The following SH2D4A variants were observed in gnomAD, a reference collection of about 807,000 sequenced individuals.
SH2D4A encodes SH2 domain-containing protein 4A.
Under a neutral mutation model 64.7 loss-of-function variants are expected in SH2D4A, and 70 were observed. That is an observed-to-expected ratio of 1.08 (90% confidence interval 0.89 to 1.32). SH2D4A has a LOEUF of 1.32. Among genes scored for constraint, SH2D4A ranks in the 40% most tolerant of loss-of-function variants. The probability of loss-of-function intolerance (pLI) is 0.00; values close to 1 mark genes in which losing one functional copy is unlikely to be tolerated. For missense variants in SH2D4A, 706 were observed against 540.1 expected (o/e 1.31, Z -3.04); for synonymous variants, 268 against 200.7 (o/e 1.34, Z -2.83).
chr8:19,328,178 C>T (rs751680317), intron 2 of SH2D4A, among the ~76,000 whole-genome samples: 36 of 152,168 alleles, frequency 2.4e-4, no homozygotes, highest in Non-Finnish European at 4.4e-4. Flanking sequence ...TTCATTCTCT[C>T]TATGAGCTCA....
intron 4 of SH2D4A, among the ~76,000 whole-genome samples, chr8:19,336,896 A>G (rs951578758): frequency 6.6e-6 from 1 of 152,158 alleles, no homozygotes; most frequent in Non-Finnish European, 1.5e-5. Flanking sequence ...ATGTATGCTT[A>G]TATTTGTGCT....
rs1276219667 is a variant in SH2D4A, at chr8:19,395,458, A to C, written c.*816A>C. On this transcript the variant is annotated 3_prime_UTR_variant, in exon 10 of 10. Transcript: ENST00000265807. Reference sequence around the variant, plus strand: ...CCCCCAAAATATATGGTGAAGTCTTAACCCCCATCCCCGTGAATGGGACCT... The same window carrying C: ...CCCCCAAAATATATGGTGAAGTCTTCACCCCCATCCCCGTGAATGGGACCT... 1 of 152,302 alleles carries C rather than the reference A, an allele frequency of 6.6e-6. No individual in the cohort carries two copies. Among genetic ancestry groups the C allele is most frequent in the Non-Finnish European group, 1.5e-5 (1 of 68,126 alleles). The allele number at this position is 152,302 out of a possible 1,614,324, so 9.4% of individuals were successfully genotyped here.
intron 8 of SH2D4A, among the ~76,000 whole-genome samples, chr8:19,391,898 T>C (rs1247369784): frequency 6.6e-6 from 1 of 152,200 alleles, no homozygotes; most frequent in East Asian, 1.9e-4. Context: ...AATAAGGTAC[T>C]GAGTATCAAC....
rs1269460415 is a variant in SH2D4A at position 19,394,741 on chromosome 8, A to G, written c.*99A>G. The stretch of plus-strand genomic sequence containing the variant: ...TGTGAAGCCAAAATCACCCTGCAGC[A>G]GAGCCAATACTGATCAACTGAAAGT... On this transcript the variant is annotated 3_prime_UTR_variant, in exon 10 of 10. Coordinates refer to ENST00000265807, the MANE Select transcript of SH2D4A (RefSeq NM_022071.4). 3.7e-6 allele frequency: 3 copies of G among 807,736 alleles called. No individual in the cohort carries two copies. The highest frequency in any genetic ancestry group is 3.9e-5 in the South Asian group (2 of 51,476). 50.0% of individuals were successfully genotyped at this position (807,736 alleles called of 1,614,324 possible). A position where few individuals can be genotyped will look rare whatever the true frequency, so the allele number is the denominator to read the frequency against.
At position 19,332,987 on chromosome 8, in the gene SH2D4A, G is replaced by A. The variant is rs1313168286; in HGVS notation, c.214G>A (p.Ala72Thr). ...NGKSVHWKLG[A>T]DKEVWVWVMG... ...CAAATCGGTTCATTGGAAACTTGGA[G>A]CTGATAAGGAAGTCTGGGTATGGGT... Residue 72 changes from alanine to threonine, a missense_variant, in exon 3 of 10, where the codon GCT becomes ACT. Physicochemically the swap from Ala to Thr is moderately conservative, Grantham distance 58. Coordinates refer to ENST00000265807, the MANE Select transcript of SH2D4A (RefSeq NM_022071.4). 7 of 1,613,404 alleles carry A rather than the reference G, an allele frequency of 4.3e-6. No individual in the cohort carries two copies. The highest frequency in any genetic ancestry group is 1.3e-5 in the African/African-American group (1 of 74,874).
intron 4 of SH2D4A, among the ~76,000 whole-genome samples, chr8:19,346,232 G>A (rs2052610527): frequency 6.6e-6 from 1 of 152,162 alleles, no homozygotes; most frequent in Admixed American, 6.6e-5. Flanking sequence ...CCTATCCCTG[G>A]GGTACCATTG....
At chr8:19,385,062 TC>T (rs1486962957) in intron 8 of SH2D4A, among the ~76,000 whole-genome samples, 4 of 152,228 alleles carry the variant, frequency 2.6e-5, no homozygotes, top group African/African-American at 9.6e-5. Context: ...TTGATTTGTT[TC>T]TTGTGGCTGT....
Position 19,319,663 on chromosome 8 carries a change from G to A in SH2D4A, c.116G>A (p.Trp39Ter). 1 of 1,610,898 alleles carries A rather than the reference G, an allele frequency of 6.2e-7. No homozygotes were observed. Among genetic ancestry groups the A allele is most frequent in the Non-Finnish European group, 8.5e-7 (1 of 1,178,886 alleles). ...FKMREEQIRR[W>*]KEREAAMERK... ...ATGAGAGAGGAACAGATCCGACGAT[G>A]GAAAGAAAGAGAAGCAGCTATGGAA... Residue 39 changes from tryptophan to a stop codon, truncating the protein, a stop_gained, in exon 2 of 10, where the codon TGG becomes TAG. Transcript: ENST00000265807. LOFTEE classifies it high-confidence loss of function.
At position 19,363,799 on chromosome 8, in the gene SH2D4A, T is replaced by G. The variant is rs769471137; in HGVS notation, c.707-273T>G. On this transcript the variant is annotated intron_variant, in intron 6 of 9. Transcript: ENST00000265807. ...CAACTGCAGGAAATTCTTGCACACT[T>G]TCTCTACTTCTCTCTCATCCCTTCT... 375 of 453,376 alleles carry G rather than the reference T, an allele frequency of 8.3e-4. 4 individuals are homozygous for G. The highest frequency in any genetic ancestry group is 3.1e-3 in the Middle Eastern group (5 of 1,626). The allele number at this position is 453,376 out of a possible 1,614,324, so 28.1% of individuals were successfully genotyped here.
Position 19,381,908 on chromosome 8 carries a change from T to G in SH2D4A, c.1048+8248T>G, listed in dbSNP as rs375358362. Among the ~76,000 whole-genome samples the G allele has an allele frequency of 1.4e-4, 22 of 152,310 alleles. No individual in the cohort carries two copies. In the East Asian group the frequency reaches 4.0e-3, roughly 28 times the overall value. ...ATTAATTGAGATGAGCATGTATTTTTTTTTCATTTATCCTGTTAATACGGT... is the reference window on the plus strand; with the variant it reads ...ATTAATTGAGATGAGCATGTATTTTGTTTTCATTTATCCTGTTAATACGGT... On this transcript the variant is annotated intron_variant, in intron 8 of 9. Coordinates refer to ENST00000265807, the MANE Select transcript of SH2D4A (RefSeq NM_022071.4).
intron 5 of SH2D4A, among the ~76,000 whole-genome samples, chr8:19,358,167 C>A (rs1385099930): frequency 6.6e-6 from 1 of 152,144 alleles, no homozygotes; most frequent in African/African-American, 2.4e-5. Context: ...CTGCTTAGAT[C>A]TCACTATGTC....
At position 19,351,876 on chromosome 8, in the gene SH2D4A, C is replaced by G. The variant is rs112649553; in HGVS notation, c.514-5327C>G. 3.2e-3 allele frequency among the ~76,000 whole-genome samples: 480 copies of G among 152,112 alleles called. 4 individuals carry two copies. Among genetic ancestry groups the G allele is most frequent in the Non-Finnish European group, 4.8e-3 (326 of 67,996 alleles). On this transcript the variant is annotated intron_variant, in intron 4 of 9. Transcript: ENST00000265807. Reference sequence around the variant, plus strand: ...TTGGCTCACTGCAACCTCTGCCTCTCGGGTTCAAGCGATTCTTCTGCCTCA... The same window carrying G: ...TTGGCTCACTGCAACCTCTGCCTCTGGGGTTCAAGCGATTCTTCTGCCTCA...
chr8:19,355,578 A>G (rs2052779354), intron 4 of SH2D4A, among the ~76,000 whole-genome samples: 2 of 152,234 alleles, frequency 1.3e-5, no homozygotes, highest in Admixed American at 6.5e-5. Flanking sequence ...TACAATGTCA[A>G]CATAGTGGAA....
At chr8:19,329,856 C>T (rs543626158) in intron 2 of SH2D4A, among the ~76,000 whole-genome samples, 1 of 152,292 alleles carries the variant, frequency 6.6e-6, no homozygotes, top group Middle Eastern at 3.4e-3. Context: ...CTTCCCTAGT[C>T]ATGAAACTTT....
Position 19,394,419 on chromosome 8 carries a change from T to C in SH2D4A, c.1273-131T>C, listed in dbSNP as rs980510664. ...TCACATGTAGATAAGAAAAATGCCT[T>C]TTAAGATGATCATAAACCACAAAAG... On this transcript the variant is annotated intron_variant, in intron 9 of 9. Coordinates refer to ENST00000265807, the MANE Select transcript of SH2D4A (RefSeq NM_022071.4). The C allele has an allele frequency of 8.4e-6, 5 of 593,758 alleles. No homozygotes were observed. In the Admixed American group the frequency reaches 1.5e-4, roughly 18 times the overall value. 36.8% of individuals were successfully genotyped at this position (593,758 alleles called of 1,614,324 possible).
intron 5 of SH2D4A, among the ~76,000 whole-genome samples, chr8:19,358,721 T>A (rs1283989095): frequency 6.6e-6 from 1 of 152,156 alleles, no homozygotes; most frequent in African/African-American, 2.4e-5. Context: ...TTGGGGACAC[T>A]TGTGAGGCTC....
chr8:19,315,495 C>T (rs935271012), intron 1 of SH2D4A, among the ~76,000 whole-genome samples: 1 of 152,164 alleles, frequency 6.6e-6, no homozygotes, highest in African/African-American at 2.4e-5. Flanking sequence ...GTTTAGGTCT[C>T]AGAGTTATTC....
At chr8:19,388,475 C>T (rs899953375) in intron 8 of SH2D4A, among the ~76,000 whole-genome samples, 1 of 152,124 alleles carries the variant, frequency 6.6e-6, no homozygotes, top group African/African-American at 2.4e-5. Flanking sequence ...CCTGACCTAC[C>T]CAAATGACCT....
At position 19,327,099 on chromosome 8, in the gene SH2D4A, T is replaced by C. The variant is rs147530756; in HGVS notation, c.182-5856T>C. Among the ~76,000 whole-genome samples the C allele has an allele frequency of 3.9e-3, 594 of 152,338 alleles. 5 individuals carry two copies. The highest frequency in any genetic ancestry group is 0.014 in the African/African-American group (565 of 41,578). On this transcript the variant is annotated intron_variant, in intron 2 of 9. Transcript: ENST00000265807. ...ATGTCTCTCAGATCTTAGAGATTTC[T>C]CTGCAGAATGAAGTGTGGATGTATC...
Sources: allele counts gnomAD v4.1 joint callset (sites outside exome capture counted in the v4.1 genomes callset), GRCh38; gene constraint gnomAD v4.1.1; transcripts MANE v1.5; gene names NCBI Gene and HGNC (gene_info 2026-07-23, HGNC 2026-07-21).